FAM234A: variants seen among roughly 807,000 people sequenced by gnomAD.
FAM234A encodes the protein protein FAM234A.
In FAM234A, 42 loss-of-function variants were observed where a neutral mutation model predicts 49.1. The observed-to-expected ratio is 0.86, with a 90% CI of 0.67 to 1.11. The LOEUF is 1.11. Among genes scored for constraint, FAM234A ranks in the 50% least tolerant of loss-of-function variants. The pLI is 0.00. For synonymous variants in FAM234A, 369 were observed against 316.2 expected (o/e 1.17, Z -1.77); for missense variants, 815 against 745.2 (o/e 1.09, Z -1.09).
At chr16:238,659 C>G (rs200111449) in intron 1 of FAM234A, among the ~76,000 whole-genome samples, 7 of 145,194 alleles carry the variant, frequency 4.8e-5, no homozygotes, top group Admixed American at 2.1e-4. Flanking sequence ...CCAGCCACTC[C>G]GGAGGCTGAG....
At position 243,827 on chromosome 16, in the gene FAM234A, C is replaced by T. The variant is rs560917125; in HGVS notation, c.-139-5722C>T. On this transcript the variant is annotated intron_variant, in intron 1 of 12. Coordinates refer to ENST00000399932, the MANE Select transcript of FAM234A (RefSeq NM_032039.4). ...TGTATAGCAGTAAGAGTTCCCACCCCTTGGGGCATTTTCATTGTCACCACA... is the reference window on the plus strand; with the variant it reads ...TGTATAGCAGTAAGAGTTCCCACCCTTTGGGGCATTTTCATTGTCACCACA... Among the ~76,000 whole-genome samples, 11 of 152,340 alleles carry T rather than the reference C, an allele frequency of 7.2e-5. No individual in the cohort carries two copies. In the East Asian group the frequency reaches 1.7e-3, roughly 24 times the overall value.
In FAM234A at chr16:264,058, C is replaced by G; in HGVS notation, c.1231C>G (p.Leu411Val). 6.2e-7 allele frequency: 1 copy of G among 1,613,236 alleles called. No homozygotes were observed. Among genetic ancestry groups the G allele is most frequent in the Non-Finnish European group, 8.5e-7 (1 of 1,180,000 alleles). ...DLGTGAVLCS[L>V]ALPSLPGGPL... ...TGGCACTGGAGCCGTCCTGTGTAGC[C>G]TAGCCCTCCCGAGCCTCCCTGGGGG... The change falls in exon 11 of 13, where the codon CTA becomes GTA. Residue 411 changes from leucine to valine, a missense_variant. Transcript: ENST00000399932.
chr16:266,897 G>T (rs1439870233), downstream of FAM234A, among the ~76,000 whole-genome samples: 3 of 152,076 alleles, frequency 2.0e-5, no homozygotes, highest in Non-Finnish European at 2.9e-5. Flanking sequence ...AGCACGGGAG[G>T]GAGGGCAGGG....
intron 2 of FAM234A, among the ~76,000 whole-genome samples, chr16:251,876 G>A (rs994093095): frequency 6.6e-6 from 1 of 150,686 alleles, no homozygotes; most frequent in Non-Finnish European, 1.5e-5. Context: ...GGTGGCGGAC[G>A]CCCATAGTCC....
intron 2 of FAM234A, among the ~76,000 whole-genome samples, chr16:251,303 CTGT>C (rs2141255275): frequency 6.6e-6 from 1 of 152,272 alleles, no homozygotes; most frequent in Non-Finnish European, 1.5e-5. Context: ...TACATTTTGG[CTGT>C]TGTTAATAAT....
chr16:240,504 T>C (rs1596741665), intron 1 of FAM234A, among the ~76,000 whole-genome samples: 3 of 112,510 alleles, frequency 2.7e-5, no homozygotes, highest in African/African-American at 1.1e-4. Context: ...CTGGGTGTAT[T>C]TTTTTTTTTT....
intron 1 of FAM234A, among the ~76,000 whole-genome samples, chr16:243,675 G>T (rs1424943697): frequency 2.0e-5 from 3 of 152,196 alleles, no homozygotes; most frequent in South Asian, 4.1e-4. Flanking sequence ...CAAAAAGGAA[G>T]TCTTACCTGG....
chr16:235,349 C>G lies in FAM234A; in HGVS notation c.-140+492C>G, dbSNP rs542263709. 3.9e-5 allele frequency among the ~76,000 whole-genome samples: 6 copies of G among 152,174 alleles called. 1 individual carries two copies. Among genetic ancestry groups the G allele is most frequent in the Admixed American group, 1.3e-4 (2 of 15,274 alleles). On this transcript the variant is annotated intron_variant, in intron 1 of 12. Coordinates refer to ENST00000399932, the MANE Select transcript of FAM234A (RefSeq NM_032039.4). ...CTCGGGACGCTGTCTGCAAGCTTGTCCGTCCGGCACCCCGGGAAAGCTCCC... is the reference window on the plus strand; with the variant it reads ...CTCGGGACGCTGTCTGCAAGCTTGTGCGTCCGGCACCCCGGGAAAGCTCCC...
intron 1 of FAM234A, among the ~76,000 whole-genome samples, chr16:242,223 C>G (rs2050642224): frequency 6.6e-6 from 1 of 152,008 alleles, no homozygotes; most frequent in South Asian, 2.1e-4. Context: ...TACCGATAGT[C>G]CTTTTTTTTG....
intron 12 of FAM234A, 28 bp downstream of exon 12, chr16:264,744 G>A (rs549705650): frequency 1.2e-6 from 2 of 1,607,440 alleles, no homozygotes; most frequent in Non-Finnish European, 1.7e-6. Context: ...CAGGGACCCG[G>A]GTGTTCCGCG....
intron 6 of FAM234A, among the ~76,000 whole-genome samples, 170 bp from the exon 7 acceptor site, chr16:261,923 C>T (rs917183261): frequency 3.3e-5 from 5 of 152,192 alleles, no homozygotes; most frequent in African/African-American, 7.2e-5. Context: ...GGCCCCTTAC[C>T]CTTCCACATC....
At chr16:259,164 A>T (rs955992251) in intron 3 of FAM234A, among the ~76,000 whole-genome samples, 1 of 152,170 alleles carries the variant, frequency 6.6e-6, no homozygotes, top group Admixed American at 6.5e-5. Context: ...AACCCTGACG[A>T]GTATGGAGTG....
chr16:262,255 G>C, intron 7 of FAM234A, 30 bp downstream of exon 7: 4 of 1,611,496 alleles, frequency 2.5e-6, no homozygotes, highest in Non-Finnish European at 3.4e-6. Context: ...TCCCTGGCCA[G>C]CCTCACTCGT....
chr16:243,778 C>A (rs560451451), intron 1 of FAM234A, among the ~76,000 whole-genome samples: 1 of 152,106 alleles, frequency 6.6e-6, no homozygotes, highest in Non-Finnish European at 1.5e-5. Context: ...GTGGCCAGGC[C>A]GGTGTGAAAG....
chr16:238,014 ATT>A (rs550358180), intron 1 of FAM234A, among the ~76,000 whole-genome samples: 2,926 of 16,376 alleles, frequency 0.18, 112 homozygotes, highest in African/African-American at 0.44. Flanking sequence ...TATGTTATTT[ATT>A]TTTATTTATT....
At chr16:269,736 C>A, downstream of FAM234A, 1 of 631,044 alleles carries the variant, frequency 1.6e-6, no homozygotes. Context: ...TCGGACCTGC[C>A]CAGACCAAGG....
chr16:238,899 A>G (rs1234921463), intron 1 of FAM234A, among the ~76,000 whole-genome samples: 2 of 147,156 alleles, frequency 1.4e-5, no homozygotes, highest in Non-Finnish European at 1.5e-5. Flanking sequence ...CCTGGCTAAC[A>G]TGGTGAAACC....
chr16:259,629 G>A, intron 4 of FAM234A, 30 bp downstream of exon 4: 1 of 1,345,414 alleles, frequency 7.4e-7, no homozygotes, highest in Non-Finnish European at 1.1e-6. Context: ...AAAAGGCGGA[G>A]CTCCCTGTAG....
Position 262,243 on chromosome 16 carries a change from C to T in FAM234A, c.841+18C>T. 1.2e-6 allele frequency: 2 copies of T among 1,612,878 alleles called. No homozygotes were observed. Among genetic ancestry groups the T allele is most frequent in the Non-Finnish European group, 1.7e-6 (2 of 1,179,306 alleles). On this transcript the variant is annotated intron_variant, in intron 7 of 12. Coordinates refer to ENST00000399932, the MANE Select transcript of FAM234A (RefSeq NM_032039.4). ...TCCCTGCGGTACGTTGTTTCTGCCACATCCCTGGCCAGCCTCACTCGTGGA... is the reference window on the plus strand; with the variant it reads ...TCCCTGCGGTACGTTGTTTCTGCCATATCCCTGGCCAGCCTCACTCGTGGA...
Sources: gnomAD v4.1 joint callset for allele counts (sites outside exome capture counted in the v4.1 genomes callset) on GRCh38, gnomAD v4.1.1 for gene constraint, MANE v1.5 for transcripts, NCBI Gene and HGNC (gene_info 2026-07-23, HGNC 2026-07-21) for gene names.